Variants in CDKAL1 observed in about 807,000 individuals in gnomAD.
The protein encoded by CDKAL1 is CDKAL1 threonylcarbamoyladenosine tRNA methylthiotransferase, also known as threonylcarbamoyladenosine tRNA methylthiotransferase.
CDKAL1 carries 32 observed loss-of-function variants against 68.2 expected under a neutral mutation model. The observed-to-expected ratio is 0.47, with a 90% CI of 0.35 to 0.63. CDKAL1 has a LOEUF of 0.63. Ranked by LOEUF, CDKAL1 falls within the 30% of genes least tolerant of loss-of-function variation. CDKAL1 has a pLI of 0.00. For synonymous variants in CDKAL1, 234 were observed against 244.3 expected (o/e 0.96, Z 0.39); for missense variants, 606 against 696.7 (o/e 0.87, Z 1.47).
chr6:21,219,980 T>G (rs1562126796), intron 15 of CDKAL1, among the ~76,000 whole-genome samples: 1 of 152,226 alleles, frequency 6.6e-6, no homozygotes, highest in Non-Finnish European at 1.5e-5. Context: ...TGAAAAGATT[T>G]CTTCATCAGT....
chr6:20,976,501 A>G (rs527239123), intron 10 of CDKAL1, among the ~76,000 whole-genome samples: 1 of 152,224 alleles, frequency 6.6e-6, no homozygotes, highest in East Asian at 1.9e-4. Context: ...CTCCTCCCCA[A>G]TTTTTAAAAA....
chr6:20,563,327 C>T (rs886636410), intron 4 of CDKAL1, among the ~76,000 whole-genome samples: 10 of 152,026 alleles, frequency 6.6e-5, no homozygotes, highest in African/African-American at 2.4e-4. Context: ...CAGAAAATCA[C>T]TGAACAATAC....
intron 11 of CDKAL1, among the ~76,000 whole-genome samples, chr6:21,007,387 T>G: frequency 6.8e-6 from 1 of 147,236 alleles, no homozygotes; most frequent in Non-Finnish European, 1.5e-5. Context: ...CGCAGCTACT[T>G]GGGAGGCTGA....
intron 9 of CDKAL1, among the ~76,000 whole-genome samples, chr6:20,866,920 T>G (rs1056715247): frequency 6.6e-6 from 1 of 152,242 alleles, no homozygotes; most frequent in African/African-American, 2.4e-5. Flanking sequence ...CCTTGTCTTT[T>G]TATATAAAAT....
At chr6:21,120,230 G>T (rs1774638398) in intron 13 of CDKAL1, among the ~76,000 whole-genome samples, 1 of 152,212 alleles carries the variant, frequency 6.6e-6, no homozygotes, top group Non-Finnish European at 1.5e-5. Context: ...CGAAGACCTT[G>T]AATTATGGAC....
rs141687217 is a variant in CDKAL1 at position 20,550,258 on chromosome 6, A to C, written c.286+1553A>C. On this transcript the variant is annotated intron_variant, in intron 4 of 15. Transcript: ENST00000274695. ...CTCCCAAAGTGCTGGGATTACAGGC[A>C]TGAGCCACTGCACCTGGCCCGTCTT... is the stretch of plus-strand genomic sequence containing the variant. 3.4e-3 allele frequency among the ~76,000 whole-genome samples: 519 copies of C among 152,072 alleles called. 3 individuals are homozygous for C. The highest frequency in any genetic ancestry group is 0.012 in the African/African-American group (493 of 41,488).
At chr6:21,166,416 G>C (rs1407110672) in intron 13 of CDKAL1, among the ~76,000 whole-genome samples, 1 of 152,140 alleles carries the variant, frequency 6.6e-6, no homozygotes, top group African/African-American at 2.4e-5. Flanking sequence ...GGAAAGGTAG[G>C]GTGAGTTTGA....
chr6:21,207,929 G>A (rs866212272), intron 15 of CDKAL1, among the ~76,000 whole-genome samples: 3 of 152,130 alleles, frequency 2.0e-5, no homozygotes, highest in Non-Finnish European at 4.4e-5. Context: ...CCATGAGAAT[G>A]ACAAATTAAC....
At chr6:21,196,604 TAGAG>T (rs1170847944) in intron 13 of CDKAL1, among the ~76,000 whole-genome samples, 1 of 152,158 alleles carries the variant, frequency 6.6e-6, no homozygotes, top group Non-Finnish European at 1.5e-5. Context: ...CATTGTATGA[TAGAG>T]AGGGGAGTTT....
intron 6 of CDKAL1, among the ~76,000 whole-genome samples, chr6:20,739,825 G>T (rs1773367454): frequency 6.6e-6 from 1 of 152,098 alleles, no homozygotes; most frequent in Non-Finnish European, 1.5e-5. Flanking sequence ...CTCTCATTAA[G>T]AAAGAGCAAC....
At chr6:21,109,549 C>G (rs764262172) in intron 13 of CDKAL1, among the ~76,000 whole-genome samples, 12 of 152,134 alleles carry the variant, frequency 7.9e-5, no homozygotes, top group Non-Finnish European at 1.5e-4. Flanking sequence ...CTTCATGTGA[C>G]CATGGTGATA....
chr6:20,740,360 A>G (rs1362044887), intron 6 of CDKAL1, among the ~76,000 whole-genome samples: 7 of 152,122 alleles, frequency 4.6e-5, no homozygotes, highest in Admixed American at 4.6e-4. Flanking sequence ...TCTGTGAAGT[A>G]AGGAGACTAC....
At chr6:21,042,722 T>C (rs1237946949) in intron 11 of CDKAL1, among the ~76,000 whole-genome samples, 2 of 152,210 alleles carry the variant, frequency 1.3e-5, no homozygotes, top group Non-Finnish European at 1.5e-5. Context: ...CTTAAGGTAT[T>C]TCCAGAATCA....
At chr6:20,782,462 T>A (rs539010389) in intron 8 of CDKAL1, among the ~76,000 whole-genome samples, 32 of 152,312 alleles carry the variant, frequency 2.1e-4, no homozygotes, top group African/African-American at 7.7e-4. Flanking sequence ...GAATTATAAA[T>A]GCAAGGCTGT....
At chr6:20,723,951 G>A (rs996263192) in intron 5 of CDKAL1, among the ~76,000 whole-genome samples, 6 of 152,064 alleles carry the variant, frequency 3.9e-5, no homozygotes, top group Non-Finnish European at 7.4e-5. Context: ...TGTTGTTTTT[G>A]AGACAGGGTC....
rs148391316 is a variant in CDKAL1, at chr6:20,866,660, A to G, written c.742+20482A>G. 7.9e-4 allele frequency among the ~76,000 whole-genome samples: 120 copies of G among 152,342 alleles called. 1 individual carries two copies. Among genetic ancestry groups the G allele is most frequent in the African/African-American group, 2.7e-3 (112 of 41,592 alleles). On this transcript the variant is annotated intron_variant, in intron 9 of 15. Coordinates refer to ENST00000274695, the MANE Select transcript of CDKAL1 (RefSeq NM_017774.3). ...TGTGTCCATCGTGATTAAATTGGTT[A>G]GAAATTTAAAAATTCACCCATGTGT...
At chr6:20,804,894 A>G (rs1206177016) in intron 8 of CDKAL1, among the ~76,000 whole-genome samples, 1 of 152,044 alleles carries the variant, frequency 6.6e-6, no homozygotes, top group African/African-American at 2.4e-5. Context: ...GATAGTTGTG[A>G]CTAGTCATCA....
intron 8 of CDKAL1, among the ~76,000 whole-genome samples, chr6:20,784,274 A>G (rs1775561570): frequency 6.6e-6 from 1 of 151,672 alleles, no homozygotes; most frequent in Non-Finnish European, 1.5e-5. Flanking sequence ...TATACTTTAA[A>G]TCATCTCTAG....
intron 4 of CDKAL1, among the ~76,000 whole-genome samples, chr6:20,606,779 A>G (rs529445158): frequency 6.6e-6 from 1 of 152,342 alleles, no homozygotes; most frequent in South Asian, 2.1e-4. Context: ...ATCTATTTCA[A>G]TTCAGGGTGA....
Sources: allele counts gnomAD v4.1 joint callset (sites outside exome capture counted in the v4.1 genomes callset), GRCh38; gene constraint gnomAD v4.1.1; transcripts MANE v1.5; gene names NCBI Gene and HGNC (gene_info 2026-07-23, HGNC 2026-07-21).